MGAT3: variants seen among roughly 807,000 people sequenced by gnomAD.
MGAT3 encodes the protein beta-1,4-mannosyl-glycoprotein 4-beta-N-acetylglucosaminyltransferase.
In MGAT3, 9 loss-of-function variants were observed where a neutral mutation model predicts 29.8. The observed-to-expected ratio is 0.30, with a 90% CI of 0.18 to 0.53. MGAT3 has a LOEUF of 0.53. Among genes scored for constraint, MGAT3 ranks in the 20% least tolerant of loss-of-function variants. The probability of loss-of-function intolerance (pLI) is 0.96; values close to 1 mark genes in which losing one functional copy is unlikely to be tolerated. For synonymous variants in MGAT3, 397 were observed against 348.9 expected, an observed-to-expected ratio of 1.14 and a Z score of -1.54; for missense variants, 557 against 769.5, an observed-to-expected ratio of 0.72 and a Z score of 3.27.
At chr22:39,486,285 T>C (rs1230122512) in intron 1 of MGAT3, 6 of 348,464 alleles carry the variant, frequency 1.7e-5, no homozygotes, top group Non-Finnish European at 3.3e-5. Flanking sequence ...GCTGGGATTA[T>C]AGGCATGCGC....
At chr22:39,472,258 G>GC (rs1334251902) in intron 1 of MGAT3, among the ~76,000 whole-genome samples, 1 of 152,100 alleles carries the variant, frequency 6.6e-6, no homozygotes, top group East Asian at 1.9e-4. Flanking sequence ...GGACTCCTGA[G>GC]CCCCCTTGCA....
chr22:39,479,339 C>A (rs966623037), intron 1 of MGAT3, among the ~76,000 whole-genome samples: 2 of 152,186 alleles, frequency 1.3e-5, no homozygotes, highest in African/African-American at 4.8e-5. Context: ...AAAGACAAAA[C>A]CCTGTCTAAA....
chr22:39,471,051 C>G (rs1928795675), intron 1 of MGAT3, among the ~76,000 whole-genome samples: 1 of 152,122 alleles, frequency 6.6e-6, no homozygotes, highest in Non-Finnish European at 1.5e-5. Flanking sequence ...CCGGCTTTTC[C>G]TGGGCCTCCT....
rs58543840 is a variant in MGAT3 at position 39,475,128 on chromosome 22, C to CTTTTT, written c.-1-12201_-1-12197dup. On this transcript the variant is annotated intron_variant, in intron 1 of 1. Transcript: ENST00000341184. The stretch of plus-strand genomic sequence containing the variant: ...TGAATTCACAGCAGGGCTTGCCAGG[C>CTTTTT]TTTTTTTTTTTTTTTTTTTTTTAAC... Among the ~76,000 whole-genome samples, 831 of 118,722 alleles carry CTTTTT rather than the reference C, an allele frequency of 7.0e-3. 30 individuals carry two copies. Among genetic ancestry groups the CTTTTT allele is most frequent in the African/African-American group, 0.028 (768 of 27,018 alleles). The allele number at this position is 118,722 out of a possible 152,430, so 77.9% of individuals were successfully genotyped here. A position where few individuals can be genotyped will look rare whatever the true frequency, so the allele number is the denominator to read the frequency against.
rs528885203 is a variant in MGAT3 at position 39,482,185 on chromosome 22, C to T, written c.-1-5162C>T. Among the ~76,000 whole-genome samples, 4 of 142,512 alleles carry T rather than the reference C, an allele frequency of 2.8e-5. No homozygotes were observed. In the South Asian group the frequency reaches 8.7e-4, roughly 31 times the overall value. The allele number at this position is 142,512 out of a possible 152,430, so 93.5% of individuals were successfully genotyped here. On this transcript the variant is annotated intron_variant, in intron 1 of 1. Coordinates refer to ENST00000341184, the MANE Select transcript of MGAT3 (RefSeq NM_002409.5). ...TTTTTTTTGTAGAGACGGGGTTTAG[C>T]CATGTTGCCCAAGCTGGTCTTGAAC...
At chr22:39,482,317 A>G (rs999149338) in intron 1 of MGAT3, among the ~76,000 whole-genome samples, 10 of 152,140 alleles carry the variant, frequency 6.6e-5, no homozygotes, top group African/African-American at 2.4e-4. Context: ...GGAAGCTGAA[A>G]TGCCACCAAC....
rs975076457 is a variant in MGAT3 at position 39,488,550 on chromosome 22, C to A, written c.1203C>A (p.His401Gln). ...NFRQYENRTGHILVQWSLGSP... is the reference protein window; with the variant it reads ...NFRQYENRTGQILVQWSLGSP... Reference sequence around the variant, plus strand: ...GACAGTATGAGAACCGCACCGGCCACATCCTGGTGCAGTGGTCGCTGGGCA... The same window carrying A: ...GACAGTATGAGAACCGCACCGGCCAAATCCTGGTGCAGTGGTCGCTGGGCA... The change falls in exon 2 of 2, where the codon CAC becomes CAA. Residue 401 changes from histidine to glutamine, a missense_variant. His to Gln is a conservative substitution (Grantham distance 24). Coordinates refer to ENST00000341184, the MANE Select transcript of MGAT3 (RefSeq NM_002409.5). The A allele has an allele frequency of 1.2e-6, 2 of 1,613,244 alleles. No individual in the cohort carries two copies. Among genetic ancestry groups the A allele is most frequent in the African/African-American group, 2.7e-5 (2 of 74,942 alleles).
chr22:39,486,800 C>T (rs1426659832), intron 1 of MGAT3, among the ~76,000 whole-genome samples: 1 of 152,232 alleles, frequency 6.6e-6, no homozygotes, highest in Non-Finnish European at 1.5e-5. Flanking sequence ...CACGCCTGGC[C>T]TAATTTTATT....
chr22:39,457,880 C>A lies in MGAT3; in HGVS notation c.-2+323C>A, dbSNP rs1416337772. Reference sequence around the variant, plus strand: ...CGTCCCCGAGGCGCGGGGCTCGAGCCGTGCTTTGTGCGCGGCACCCCCCAG... The same window carrying A: ...CGTCCCCGAGGCGCGGGGCTCGAGCAGTGCTTTGTGCGCGGCACCCCCCAG... On this transcript the variant is annotated intron_variant, in intron 1 of 1. Coordinates refer to ENST00000341184, the MANE Select transcript of MGAT3 (RefSeq NM_002409.5). This position sits in a 1 kb window ranked among gnomAD's most constrained non-coding sequence, Gnocchi z 6.8. 6.6e-6 allele frequency among the ~76,000 whole-genome samples: 1 copy of A among 151,542 alleles called. No homozygotes were observed. The highest frequency in any genetic ancestry group is 1.5e-5 in the Non-Finnish European group (1 of 67,830).
chr22:39,483,438 T>G (rs1274795436), intron 1 of MGAT3, among the ~76,000 whole-genome samples: 2 of 151,668 alleles, frequency 1.3e-5, no homozygotes, highest in Non-Finnish European at 2.9e-5. Context: ...TGAGCTGAGA[T>G]CGCACCATTG....
At chr22:39,486,997 G>T (rs1181415574) in intron 1 of MGAT3, among the ~76,000 whole-genome samples, 1 of 152,168 alleles carries the variant, frequency 6.6e-6, no homozygotes, top group African/African-American at 2.4e-5. Flanking sequence ...ACTGCGAGTT[G>T]AGCTTTTCCC....
At chr22:39,467,770 C>A (rs566760157) in intron 1 of MGAT3, among the ~76,000 whole-genome samples, 4 of 145,798 alleles carry the variant, frequency 2.7e-5, no homozygotes, top group Non-Finnish European at 6.0e-5. Context: ...CTGGATCTGT[C>A]GCCCAGGCTA....
At chr22:39,458,583 G>A (rs1210908945) in intron 1 of MGAT3, among the ~76,000 whole-genome samples, 6 of 152,114 alleles carry the variant, frequency 3.9e-5, no homozygotes, top group African/African-American at 1.4e-4. Context: ...AGCTCTGAGG[G>A]GGTTTTCAGT....
intron 1 of MGAT3, among the ~76,000 whole-genome samples, chr22:39,477,093 T>G (rs1928987178): frequency 6.6e-6 from 1 of 152,172 alleles, no homozygotes; most frequent in Non-Finnish European, 1.5e-5. Flanking sequence ...GCCGACTCCC[T>G]CTGCCATACC....
intron 1 of MGAT3, among the ~76,000 whole-genome samples, chr22:39,484,946 C>G (rs1013471826): frequency 6.6e-6 from 1 of 151,972 alleles, no homozygotes; most frequent in Non-Finnish European, 1.5e-5. Context: ...GAAGTTGCAG[C>G]GAGCCAGGAT....
At chr22:39,466,312 C>T (rs968887229) in intron 1 of MGAT3, among the ~76,000 whole-genome samples, 4 of 152,158 alleles carry the variant, frequency 2.6e-5, no homozygotes, top group African/African-American at 9.7e-5. Context: ...TGCCTAGCAC[C>T]AGGCACTTCT....
In MGAT3 at chr22:39,488,203, T is replaced by C. The variant is rs1315182577; in HGVS notation, c.856T>C (p.Trp286Arg). 6.2e-7 allele frequency: 1 copy of C among 1,612,784 alleles called. No individual in the cohort carries two copies. The highest frequency in any genetic ancestry group is 1.1e-5 in the South Asian group (1 of 91,064). The part of the protein sequence containing the change: ...HFPPGGRQDG[W>R]IADDYLRTFL... ...CCCGCCCGGCGGCCGGCAGGACGGC[T>C]GGATCGCCGACGACTACCTGCGCAC... is the stretch of plus-strand genomic sequence containing the variant. Residue 286 changes from tryptophan to arginine, a missense_variant, in exon 2 of 2, where the codon TGG (tryptophan) becomes CGG (arginine). Coordinates refer to ENST00000341184, the MANE Select transcript of MGAT3 (RefSeq NM_002409.5).
intron 1 of MGAT3, among the ~76,000 whole-genome samples, chr22:39,485,191 C>T (rs902167397): frequency 2.0e-5 from 3 of 152,204 alleles, no homozygotes; most frequent in Non-Finnish European, 4.4e-5. Flanking sequence ...CTTGGCCCCA[C>T]CCAGCATCTT....
chr22:39,482,147 AT>A (rs11380222), intron 1 of MGAT3, among the ~76,000 whole-genome samples: 3,085 of 134,028 alleles, frequency 0.023, 77 homozygotes, highest in African/African-American at 0.076. Context: ...GGCACTGCTA[AT>A]TTTTTTTTTT....
Sources: gnomAD v4.1 joint callset for allele counts (sites outside exome capture counted in the v4.1 genomes callset) on GRCh38, gnomAD v4.1.1 for gene constraint, Gnocchi (gnomAD v3.1) non-coding constraint, MANE v1.5 for transcripts, NCBI Gene and HGNC (gene_info 2026-07-23, HGNC 2026-07-21) for gene names.